Variants in COL4A4 observed in about 807,000 individuals in gnomAD.
COL4A4 encodes the protein collagen alpha-4(IV) chain.
Under a neutral mutation model 192.9 loss-of-function variants are expected in COL4A4, and 105 were observed. That is an observed-to-expected ratio of 0.54 (90% CI 0.46 to 0.64). The LOEUF (loss-of-function observed/expected upper bound fraction) is 0.64. Among genes scored for constraint, COL4A4 ranks in the 30% least tolerant of loss-of-function variants. The pLI is 0.00. For missense variants in COL4A4, 1,967 were observed against 2,169.3 expected, an observed-to-expected ratio of 0.91 and a Z score of 1.85; for synonymous variants, 762 against 769.9, an observed-to-expected ratio of 0.99 and a Z score of 0.17.
chr2:227,033,404 G>A lies in COL4A4; in HGVS notation c.3577+6C>T. ...TCAGTCTGTTACGAATCGATTAGGT[G>A]CTTACCTGAAGCACCTTTAGTTCCT... On this transcript the variant is annotated splice_donor_region_variant and intron_variant, in intron 38 of 47. Coordinates refer to ENST00000396625, the MANE Select transcript of COL4A4 (RefSeq NM_000092.5). 1 of 1,610,844 alleles carries A rather than the reference G, an allele frequency of 6.2e-7. No individual in the cohort carries two copies.
chr2:226,985,022 A>G, the COL4A4 span, among the ~76,000 whole-genome samples: 1 of 152,136 alleles, frequency 6.6e-6, no homozygotes, highest in Non-Finnish European at 1.5e-5. Context: ...AGTAACCAGT[A>G]CCACCTGATT....
chr2:227,155,297 A>G (rs571938916), intron 1 of COL4A4, among the ~76,000 whole-genome samples: 1 of 151,992 alleles, frequency 6.6e-6, no homozygotes, highest in African/African-American at 2.4e-5. Context: ...TTCACCCACC[A>G]TCTGGCAATA....
chr2:227,011,545 A>C (rs896257988), intron 45 of COL4A4, among the ~76,000 whole-genome samples: 1 of 152,172 alleles, frequency 6.6e-6, no homozygotes, highest in Admixed American at 6.5e-5. Context: ...AGGAGTTTGC[A>C]TCCCTGGCCA....
At chr2:227,103,898 T>C in intron 13 of COL4A4, 74 bp downstream of exon 13, 1 of 1,124,318 alleles carries the variant, frequency 8.9e-7, no homozygotes, top group Non-Finnish European at 1.3e-6. Flanking sequence ...CTCTATACTT[T>C]GCTGCCACAG....
In COL4A4 at chr2:227,121,180, G is replaced by A. The variant is rs761759355; in HGVS notation, c.193-32C>T. On this transcript the variant is annotated intron_variant, in intron 4 of 47. Coordinates refer to ENST00000396625, the MANE Select transcript of COL4A4 (RefSeq NM_000092.5). ...AGGAAGATTAAAAAGAAATGGGGGT[G>A]CAATTCTTAATTACTGTCTTCTAAC... The A allele has an allele frequency of 1.2e-5, 20 of 1,610,712 alleles. No homozygotes were observed. The Admixed American group carries it at 2.8e-4, about 23-fold the overall frequency.
At chr2:227,103,905 A>G in intron 13 of COL4A4, 67 bp downstream of exon 13, 1 of 1,247,830 alleles carries the variant, frequency 8.0e-7, no homozygotes. Context: ...CTTTGCTGCC[A>G]CAGATCCATG....
intron 43 of COL4A4, among the ~76,000 whole-genome samples, chr2:227,025,205 A>G (rs1338575897): frequency 6.6e-6 from 1 of 152,240 alleles, no homozygotes; most frequent in African/African-American, 2.4e-5. Flanking sequence ...GAACAAATGC[A>G]GGCATTCACA....
chr2:227,096,972 A>G (rs1014630436), intron 19 of COL4A4, among the ~76,000 whole-genome samples: 1 of 152,184 alleles, frequency 6.6e-6, no homozygotes, highest in Non-Finnish European at 1.5e-5. Context: ...AATATCTATC[A>G]TATCTACAAA....
chr2:227,139,772 G>C (rs1203501483), intron 4 of COL4A4, among the ~76,000 whole-genome samples: 1 of 152,178 alleles, frequency 6.6e-6, no homozygotes, highest in Non-Finnish European at 1.5e-5. Context: ...CCAAGAAAGA[G>C]TCCTGTGGTC....
rs1553641728 is a variant in COL4A4 at position 227,056,116 on chromosome 2, C to G, written c.2546-1G>C. 1 of 1,613,984 alleles carries G rather than the reference C, an allele frequency of 6.2e-7. No homozygotes were observed. Among genetic ancestry groups the G allele is most frequent in the Non-Finnish European group, 8.5e-7 (1 of 1,180,008 alleles). ...GGCTGTCCTTTCCCACCTGGAGCAC[C>G]TAAGACAAACCACAGTGACCACAGT... On this transcript the variant is annotated splice_acceptor_variant, in intron 29 of 47. Transcript: ENST00000396625. LOFTEE classifies it high-confidence loss of function.
rs1183205507 is a variant in COL4A4, at chr2:227,059,460, T to A, written c.2328A>T (p.Ser776=). The A allele has an allele frequency of 3.7e-6, 6 of 1,614,162 alleles. No homozygotes were observed. The East Asian group carries it at 1.3e-4, about 36-fold the overall frequency. The change falls in exon 28 of 48, where the codon TCA becomes TCT. Residue 776 remains serine, a synonymous_variant. Transcript: ENST00000396625. ...TGGGTCCTTTTATCCCTGGCACTCC[T>A]GAAAGACCCCTCTTTCCCGGGGGTC... ...HLGPPGKRGL[S]GVPGIKGPRG... is the part of the protein sequence containing the mutation.
At chr2:227,111,641 A>C in intron 9 of COL4A4, 37 bp downstream of exon 9, 2 of 1,607,606 alleles carry the variant, frequency 1.2e-6, no homozygotes, top group Non-Finnish European at 1.7e-6. Context: ...CTATTTGAGG[A>C]GGAAATAGAA....
Position 227,024,042 on chromosome 2 carries a change from C to G in COL4A4, c.4090+1760G>C, listed in dbSNP as rs551259122. On this transcript the variant is annotated intron_variant, in intron 43 of 47. Coordinates refer to ENST00000396625, the MANE Select transcript of COL4A4 (RefSeq NM_000092.5). The stretch of plus-strand genomic sequence containing the variant: ...CAAAAAACAAACAAAAAAAACCACT[C>G]AGGCTCAGGCAAATAAGTGACACTT... Among the ~76,000 whole-genome samples, 12 of 151,698 alleles carry G rather than the reference C, an allele frequency of 7.9e-5. No homozygotes were observed. The South Asian group carries it at 2.5e-3, about 32-fold the overall frequency.
At chr2:227,050,235 T>A in intron 33 of COL4A4, 104 bp from the exon 34 acceptor site, 1 of 1,047,918 alleles carries the variant, frequency 9.5e-7, no homozygotes, top group Non-Finnish European at 1.5e-6. Context: ...TTGGTTTTTG[T>A]AATCTGCAGT....
At chr2:227,129,302 T>A (rs534586260) in intron 4 of COL4A4, among the ~76,000 whole-genome samples, 8 of 152,184 alleles carry the variant, frequency 5.3e-5, no homozygotes, top group Admixed American at 2.0e-4. Context: ...AACTACCACA[T>A]CTACCCTAAA....
At chr2:226,979,743 C>T in the COL4A4 span, among the ~76,000 whole-genome samples, 1 of 152,240 alleles carries the variant, frequency 6.6e-6, no homozygotes. Flanking sequence ...GAATGTCGGT[C>T]AGTCTCTGGC....
At chr2:227,033,870 G>A (rs1273423387) in intron 37 of COL4A4, among the ~76,000 whole-genome samples, 1 of 147,264 alleles carries the variant, frequency 6.8e-6, no homozygotes, top group African/African-American at 2.6e-5. Context: ...CACCTCCCAG[G>A]CTTGGGGTCA....
intron 35 of COL4A4, among the ~76,000 whole-genome samples, chr2:227,045,905 ATATATG>A (rs1972568159): frequency 2.2e-5 from 2 of 91,972 alleles, no homozygotes. Context: ...TAGATAGTAT[ATATATG>A]TATGTATATG....
At chr2:227,041,747 G>GGA in intron 37 of COL4A4, among the ~76,000 whole-genome samples, 1 of 106,540 alleles carries the variant, frequency 9.4e-6, no homozygotes, top group African/African-American at 3.8e-5. Context: ...AGGAAGGAAG[G>GGA]AAGGAAGGAA....
Sources: allele counts gnomAD v4.1 joint callset (sites outside exome capture counted in the v4.1 genomes callset), GRCh38; gene constraint gnomAD v4.1.1; transcripts MANE v1.5; gene names NCBI Gene and HGNC (gene_info 2026-07-23, HGNC 2026-07-21).